Variants in FBXL17 observed in about 807,000 individuals in gnomAD.
FBXL17 encodes F-box and leucine rich repeat protein 17, also known as F-box/LRR-repeat protein 17.
Under a neutral mutation model 66.2 loss-of-function variants are expected in FBXL17, and 22 were observed. The ratio of observed to expected loss-of-function variants is 0.33; its 90% CI spans 0.24 to 0.47. The LOEUF (loss-of-function observed/expected upper bound fraction) is 0.47, where lower values mean the gene tolerates loss of function less well. Among genes scored for constraint, FBXL17 ranks in the 20% least tolerant of loss-of-function variants. The pLI, the probability that FBXL17 is intolerant of heterozygous loss-of-function variation, is 1.00. For missense variants in FBXL17, 878 were observed against 948.2 expected (o/e 0.93, Z 0.97); for synonymous variants, 474 against 400.5 (o/e 1.18, Z -2.19).
chr5:107,984,312 T>C (rs1752935569), intron 7 of FBXL17, among the ~76,000 whole-genome samples: 1 of 152,228 alleles, frequency 6.6e-6, no homozygotes, highest in Non-Finnish European at 1.5e-5. Flanking sequence ...ATTATGTTAA[T>C]TTGTAACATA....
chr5:108,016,778 C>CT (rs1185491896), intron 7 of FBXL17, among the ~76,000 whole-genome samples: 1 of 134,316 alleles, frequency 7.4e-6, no homozygotes, highest in Admixed American at 8.1e-5. Flanking sequence ...TTCTTTCTTT[C>CT]TTTCTTTCTT....
At chr5:107,879,694 A>G (rs1329672239) in intron 8 of FBXL17, 1 of 985,364 alleles carries the variant, frequency 1.0e-6, no homozygotes, top group Non-Finnish European at 1.2e-6. Flanking sequence ...TGCCCTTTGA[A>G]TGGCGTGTCT....
intron 3 of FBXL17, among the ~76,000 whole-genome samples, chr5:108,363,826 G>T (rs1748493103): frequency 6.6e-6 from 1 of 151,814 alleles, no homozygotes; most frequent in African/African-American, 2.4e-5. Flanking sequence ...AAAATAAATT[G>T]CTGAGAAATT....
chr5:108,051,777 C>A (rs955675035), intron 6 of FBXL17, among the ~76,000 whole-genome samples: 3 of 151,974 alleles, frequency 2.0e-5, no homozygotes, highest in African/African-American at 7.3e-5. Flanking sequence ...GAGATTGAGA[C>A]CATCCTGGCT....
rs749489999 is a variant in FBXL17, at chr5:108,381,373, G to A, written c.319C>T (p.Leu107=). 49 of 1,330,718 alleles carry A rather than the reference G, an allele frequency of 3.7e-5. No homozygotes were observed. Among genetic ancestry groups the A allele is most frequent in the Middle Eastern group, 5.6e-4 (2 of 3,590 alleles). The allele number at this position is 1,330,718 out of a possible 1,614,324, so 82.4% of individuals were successfully genotyped here. A position where few individuals can be genotyped will look rare whatever the true frequency, so the allele number is the denominator to read the frequency against. ...GCAGCGGCGCAGTCCTCGGCGGCCA[G>A]GGCCGCGTAGCGCCGCGCCAGGTGC... is the stretch of plus-strand genomic sequence containing the variant. ...SQHLARRYAA[L]AAEDCAAAAR... Residue 107 remains leucine (L), a synonymous_variant, in exon 1 of 9, where the codon CTG becomes TTG. Coordinates refer to ENST00000542267, the MANE Select transcript of FBXL17 (RefSeq NM_001163315.3).
intron 4 of FBXL17, among the ~76,000 whole-genome samples, chr5:108,287,322 A>G (rs1561508103): frequency 6.6e-6 from 1 of 152,134 alleles, no homozygotes; most frequent in Non-Finnish European, 1.5e-5. Flanking sequence ...TGACAGAGTA[A>G]ACAGACAGTC....
At chr5:108,338,070 TC>T (rs1746629626) in intron 4 of FBXL17, among the ~76,000 whole-genome samples, 1 of 151,988 alleles carries the variant, frequency 6.6e-6, no homozygotes, top group African/African-American at 2.4e-5. Flanking sequence ...TATATTAGTG[TC>T]CTGCAACAAT....
chr5:107,922,317 T>C (rs952412489), intron 7 of FBXL17, among the ~76,000 whole-genome samples: 2 of 152,156 alleles, frequency 1.3e-5, no homozygotes, highest in Admixed American at 1.3e-4. Context: ...ATCTTTTTTA[T>C]TTTTTCCTAA....
chr5:107,922,877 T>C (rs1015256848), intron 7 of FBXL17, among the ~76,000 whole-genome samples: 2 of 152,214 alleles, frequency 1.3e-5, no homozygotes, highest in African/African-American at 2.4e-5. Flanking sequence ...ACCTCTCAAC[T>C]TCTTGCGGGG....
chr5:108,209,543 C>T (rs573480965), intron 5 of FBXL17, among the ~76,000 whole-genome samples: 3 of 152,162 alleles, frequency 2.0e-5, no homozygotes, highest in African/African-American at 4.8e-5. Flanking sequence ...TTGTCGAAGG[C>T]CTTTTCTGCA....
chr5:107,907,445 G>GT (rs1749800466), intron 7 of FBXL17, among the ~76,000 whole-genome samples: 1 of 152,030 alleles, frequency 6.6e-6, no homozygotes, highest in Non-Finnish European at 1.5e-5. Flanking sequence ...CTGCAAAGTA[G>GT]TATCTCTCCA....
chr5:108,126,105 G>A (rs187622731), intron 6 of FBXL17, among the ~76,000 whole-genome samples: 1 of 152,082 alleles, frequency 6.6e-6, no homozygotes, highest in Non-Finnish European at 1.5e-5. Context: ...GCAGAGGCAA[G>A]TAGTTTCTGG....
At chr5:108,234,508 G>T (rs1755510370) in intron 4 of FBXL17, among the ~76,000 whole-genome samples, 1 of 152,156 alleles carries the variant, frequency 6.6e-6, no homozygotes, top group African/African-American at 2.4e-5. Context: ...ATTAGGATAT[G>T]ATTCTTTTCA....
intron 7 of FBXL17, among the ~76,000 whole-genome samples, chr5:107,907,634 GGACATGAACA>G (rs1749809319): frequency 6.6e-6 from 1 of 152,206 alleles, no homozygotes; most frequent in East Asian, 1.9e-4. Flanking sequence ...AGTGGGCAAA[GGACATGAACA>G]GACACTTCTC....
Position 108,107,628 on chromosome 5 carries a change from C to T in FBXL17, c.1745+78489G>A, listed in dbSNP as rs568312643. ...GAGATTGAGATCATCCTGGCTAACA[C>T]GGTGAAACCCCATCTCTACTAAAAA... On this transcript the variant is annotated intron_variant, in intron 6 of 8. Transcript: ENST00000542267. Among the ~76,000 whole-genome samples the T allele has an allele frequency of 4.1e-3, 622 of 151,586 alleles. 2 individuals are homozygous for T. Among genetic ancestry groups the T allele is most frequent in the African/African-American group, 0.013 (522 of 41,376 alleles).
chr5:108,167,187 G>A (rs1752445206), intron 6 of FBXL17, among the ~76,000 whole-genome samples: 1 of 152,080 alleles, frequency 6.6e-6, no homozygotes, highest in Non-Finnish European at 1.5e-5. Flanking sequence ...ACACTTCAGT[G>A]CTACCATACC....
At chr5:107,932,906 TA>T (rs1750778568) in intron 7 of FBXL17, among the ~76,000 whole-genome samples, 1 of 152,108 alleles carries the variant, frequency 6.6e-6, no homozygotes, top group African/African-American at 2.4e-5. Flanking sequence ...ATTGTGGATA[TA>T]AACTAGGAAA....
intron 6 of FBXL17, among the ~76,000 whole-genome samples, chr5:108,180,708 T>A (rs561774198): frequency 1.3e-5 from 2 of 152,218 alleles, no homozygotes; most frequent in Admixed American, 1.3e-4. Flanking sequence ...ACACAGCAAA[T>A]CATGGCAATA....
intron 6 of FBXL17, among the ~76,000 whole-genome samples, chr5:108,142,744 A>G (rs1751399828): frequency 6.6e-6 from 1 of 152,106 alleles, no homozygotes; most frequent in Non-Finnish European, 1.5e-5. Flanking sequence ...CATATTAGGA[A>G]CCAGGCTACT....
Sources: allele counts gnomAD v4.1 joint callset (sites outside exome capture counted in the v4.1 genomes callset), GRCh38; gene constraint gnomAD v4.1.1; transcripts MANE v1.5; gene names NCBI Gene and HGNC (gene_info 2026-07-23, HGNC 2026-07-21).